WDFY2: variants seen among roughly 807,000 people sequenced by gnomAD.
The protein encoded by WDFY2 is WD repeat and FYVE domain-containing protein 2.
WDFY2 carries 36 observed loss-of-function variants against 56.4 expected under a neutral mutation model. That is an observed-to-expected ratio of 0.64 (90% CI 0.49 to 0.84). The LOEUF is 0.84. WDFY2 is among the 40% of genes least tolerant of loss of function. WDFY2 has a pLI of 0.00. For synonymous variants in WDFY2, 176 were observed against 183.7 expected, an observed-to-expected ratio of 0.96 and a Z score of 0.34; for missense variants, 444 against 512.2, an observed-to-expected ratio of 0.87 and a Z score of 1.29.
intron 5 of WDFY2, among the ~76,000 whole-genome samples, chr13:51,725,997 A>C (rs1413405853): frequency 6.6e-6 from 1 of 152,190 alleles, no homozygotes; most frequent in Non-Finnish European, 1.5e-5. Context: ...ACCTTTTAAT[A>C]TGTAAAGATT....
rs188660593 is a variant in WDFY2, at chr13:51,664,918, G to A, written c.205+4255G>A. On this transcript the variant is annotated intron_variant, in intron 2 of 11. Transcript: ENST00000298125. ...GGATAGTTCATTCAACAAATGTTAA[G>A]CGTTTCTTCCACATCTAACATTGTA... Among the ~76,000 whole-genome samples the A allele has an allele frequency of 2.4e-4, 37 of 152,328 alleles. No homozygotes were observed. The East Asian group carries it at 7.1e-3, about 29-fold the overall frequency.
intron 2 of WDFY2, among the ~76,000 whole-genome samples, chr13:51,663,414 T>C (rs1208825017): frequency 2.0e-5 from 3 of 152,292 alleles, no homozygotes; most frequent in Admixed American, 6.5e-5. Context: ...AAGATGTATA[T>C]GGTCAAGATG....
chr13:51,668,808 C>T (rs1334493602), intron 2 of WDFY2, among the ~76,000 whole-genome samples: 1 of 152,158 alleles, frequency 6.6e-6, no homozygotes, highest in Admixed American at 6.5e-5. Flanking sequence ...ATGCCCTTAG[C>T]ATTGTGAAGC....
intron 2 of WDFY2, among the ~76,000 whole-genome samples, chr13:51,662,089 G>C (rs914009242): frequency 3.9e-5 from 6 of 152,036 alleles, no homozygotes; most frequent in African/African-American, 1.4e-4. Flanking sequence ...TCCTCCCTCA[G>C]CCTCCCGAGT....
intron 3 of WDFY2, among the ~76,000 whole-genome samples, chr13:51,699,426 T>C (rs988241280): frequency 8.5e-5 from 13 of 152,214 alleles, no homozygotes; most frequent in Admixed American, 8.5e-4. Context: ...TTCTCCGCTT[T>C]GCTTTGCTTT....
intron 1 of WDFY2, among the ~76,000 whole-genome samples, chr13:51,626,411 C>T (rs1262849510): frequency 6.6e-6 from 1 of 152,120 alleles, no homozygotes; most frequent in East Asian, 1.9e-4. Context: ...AAGGATTATA[C>T]CAACATACAC....
intron 1 of WDFY2, chr13:51,592,448 A>G (rs1023434748): frequency 2.0e-5 from 3 of 151,954 alleles, no homozygotes; most frequent in Non-Finnish European, 4.4e-5. Context: ...GTTGGTGGGC[A>G]CCTGTAATCC....
chr13:51,662,257 C>G (rs893267813), intron 2 of WDFY2, among the ~76,000 whole-genome samples: 3 of 152,180 alleles, frequency 2.0e-5, no homozygotes, highest in African/African-American at 7.2e-5. Flanking sequence ...TGAGCCACCA[C>G]GCCTAGCCTT....
chr13:51,660,534 A>G (rs370310448), intron 1 of WDFY2, 62 bp from the exon 2 acceptor site: 6 of 1,513,278 alleles, frequency 4.0e-6, no homozygotes, highest in South Asian at 1.1e-5. Context: ...TTTTCTATGT[A>G]TCAGCATTTT....
chr13:51,713,259 A>C (rs1342602164), intron 4 of WDFY2, among the ~76,000 whole-genome samples: 1 of 152,250 alleles, frequency 6.6e-6, no homozygotes, highest in African/African-American at 2.4e-5. Context: ...GCAATATGTA[A>C]AAAAGATAAT....
chr13:51,695,846 G>A (rs549463974), intron 3 of WDFY2, among the ~76,000 whole-genome samples: 48 of 152,328 alleles, frequency 3.2e-4, no homozygotes, highest in African/African-American at 4.1e-4. Flanking sequence ...TGGAGCTTCC[G>A]GGCTGCTTTG....
intron 1 of WDFY2, among the ~76,000 whole-genome samples, chr13:51,621,420 G>A (rs1362743797): frequency 6.6e-6 from 1 of 152,122 alleles, no homozygotes; most frequent in Non-Finnish European, 1.5e-5. Flanking sequence ...CAGGAGAATC[G>A]CTTGAACCCG....
chr13:51,600,458 C>G (rs1019950369), intron 1 of WDFY2, among the ~76,000 whole-genome samples: 3 of 152,224 alleles, frequency 2.0e-5, no homozygotes, highest in Non-Finnish European at 4.4e-5. Context: ...TTCTTTCTTG[C>G]TCACACTGGC....
In WDFY2 at chr13:51,654,553, CT is replaced by C. The variant is rs755127371; in HGVS notation, c.138-6036del. ...ATCGGCCATCTTGGCTCCACCCAGA[CT>C]TTTTTTCCCCCAATACCCTAACCTC... On this transcript the variant is annotated intron_variant, in intron 1 of 11. Coordinates refer to ENST00000298125, the MANE Select transcript of WDFY2 (RefSeq NM_052950.4). Among the ~76,000 whole-genome samples the C allele has an allele frequency of 1.5e-3, 221 of 152,122 alleles. 1 individual carries two copies. Among genetic ancestry groups the C allele is most frequent in the Non-Finnish European group, 2.7e-3 (184 of 67,912 alleles).
intron 3 of WDFY2, among the ~76,000 whole-genome samples, chr13:51,702,756 G>A (rs532491370): frequency 2.8e-4 from 42 of 152,124 alleles, no homozygotes; most frequent in East Asian, 9.6e-4. Flanking sequence ...GATTAATTGC[G>A]TTGTTTCTAA....
chr13:51,654,475 C>A (rs1566077644), intron 1 of WDFY2, among the ~76,000 whole-genome samples: 2 of 152,198 alleles, frequency 1.3e-5, no homozygotes, highest in Non-Finnish European at 2.9e-5. Flanking sequence ...ATGCAGAAAT[C>A]ATTCGCCTTC....
chr13:51,719,296 A>C lies in WDFY2; in HGVS notation c.433A>C (p.Ser145Arg). The C allele has an allele frequency of 6.2e-7, 1 of 1,613,890 alleles. No homozygotes were observed. The highest frequency in any genetic ancestry group is 8.5e-7 in the Non-Finnish European group (1 of 1,179,874). Residue 145 changes from serine (S) to arginine (R), a missense_variant, in exon 5 of 12, where the codon AGT becomes CGT. Coordinates refer to ENST00000298125, the MANE Select transcript of WDFY2 (RefSeq NM_052950.4). ...DKQFAWHCSE[S>R]GQRLGGYRTS... is the part of the protein sequence containing the mutation. ...GCAATTTGCCTGGCACTGCTCTGAG[A>C]GTGGGCAGCGCCTGGGAGGTTATCG... is the stretch of plus-strand genomic sequence containing the variant.
At chr13:51,756,802 C>T (rs1953398044) in intron 10 of WDFY2, among the ~76,000 whole-genome samples, 7 of 152,200 alleles carry the variant, frequency 4.6e-5, no homozygotes, top group Admixed American at 4.6e-4. Flanking sequence ...CTTTCTGTCC[C>T]AAGCTGGTAT....
At chr13:51,609,052 A>G (rs1451859073) in intron 1 of WDFY2, among the ~76,000 whole-genome samples, 1 of 152,110 alleles carries the variant, frequency 6.6e-6, no homozygotes, top group Admixed American at 6.6e-5. Flanking sequence ...CATGTGCTGA[A>G]GTGAGAGTAG....
Sources: allele counts gnomAD v4.1 joint callset (sites outside exome capture counted in the v4.1 genomes callset), GRCh38; gene constraint gnomAD v4.1.1; transcripts MANE v1.5; gene names NCBI Gene and HGNC (gene_info 2026-07-23, HGNC 2026-07-21).